The following TES variants were observed in gnomAD, a reference collection of about 807,000 sequenced individuals.
TES encodes testin.
In TES, 41 loss-of-function variants were observed where a neutral mutation model predicts 48.2. The ratio of observed to expected loss-of-function variants is 0.85; its 90% CI spans 0.66 to 1.10. The LOEUF is 1.10. Ranked by LOEUF, TES falls within the 50% of genes least tolerant of loss-of-function variation. The pLI, the probability that TES is intolerant of heterozygous loss-of-function variation, is 0.00. For missense variants in TES, 463 were observed against 515.1 expected (o/e 0.90, Z 0.98); for synonymous variants, 162 against 174.9 (o/e 0.93, Z 0.58).
At chr7:116,240,448 G>C (rs891269077) in intron 2 of TES, among the ~76,000 whole-genome samples, 1 of 151,738 alleles carries the variant, frequency 6.6e-6, no homozygotes, top group African/African-American at 2.4e-5. Context: ...TCCCAGGCTC[G>C]CTCTTTCTCT....
At chr7:116,238,612 T>TATTATTATTATTATG (rs1799804668) in intron 2 of TES, among the ~76,000 whole-genome samples, 1 of 148,530 alleles carries the variant, frequency 6.7e-6, no homozygotes, top group South Asian at 2.1e-4. Flanking sequence ...TTATTATTAT[T>TATTATTATTATTATG]ATTTTTGAGA....
In TES at chr7:116,255,989, T is replaced by A. The variant is rs144117095; in HGVS notation, c.1078-1305T>A. Among the ~76,000 whole-genome samples, 370 of 152,314 alleles carry A rather than the reference T, an allele frequency of 2.4e-3. 1 individual carries two copies. The highest frequency in any genetic ancestry group is 8.0e-3 in the African/African-American group (331 of 41,576). On this transcript the variant is annotated intron_variant, in intron 6 of 6. Coordinates refer to ENST00000358204, the MANE Select transcript of TES (RefSeq NM_015641.4). ...CTATAAAAATATATACAAAAAGCAG[T>A]TGCTTGCATGGTGCAGCTGCACATT...
intron 1 of TES, among the ~76,000 whole-genome samples, chr7:116,215,590 T>G (rs565086939): frequency 6.6e-6 from 1 of 152,314 alleles, no homozygotes; most frequent in South Asian, 2.1e-4. Flanking sequence ...TCTTCTAAGA[T>G]TCTCCCAACT....
chr7:116,249,366 C>A, intron 3 of TES, 94 bp downstream of exon 3: 1 of 1,401,880 alleles, frequency 7.1e-7, no homozygotes, highest in Non-Finnish European at 9.9e-7. Flanking sequence ...TTCACACATC[C>A]CAGATCTGTT....
intron 2 of TES, among the ~76,000 whole-genome samples, chr7:116,237,776 C>G (rs946667811): frequency 5.9e-5 from 9 of 152,150 alleles, no homozygotes; most frequent in Non-Finnish European, 1.2e-4. Context: ...GGTGAGGTCT[C>G]TCTTCCTGGC....
rs1195390969 is a variant in TES at position 116,250,425 on chromosome 7, G to C, written c.631G>C (p.Gly211Arg). 6.2e-7 allele frequency: 1 copy of C among 1,608,842 alleles called. No homozygotes were observed. The highest frequency in any genetic ancestry group is 1.1e-5 in the South Asian group (1 of 89,888). ...QGPKQMNIPG[G>R]DRSTPAAVGA... ...CCCCAAACAAATGAACATTCCTGGA[G>C]GGGATAGAAGCACCCCAGCAGCAGT... The change falls in exon 4 of 7, where the codon GGG becomes CGG. Residue 211 changes from glycine to arginine, a missense_variant. Gly to Arg is a moderately radical substitution (Grantham distance 125, BLOSUM62 -2). Transcript: ENST00000358204.
intron 3 of TES, chr7:116,249,886 A>C: frequency 3.4e-6 from 1 of 291,926 alleles, no homozygotes; most frequent in East Asian, 5.7e-5. Flanking sequence ...TCAATTGTAC[A>C]TTTGTTTATT....
chr7:116,212,926 CCT>C (rs1349141707), intron 1 of TES, among the ~76,000 whole-genome samples: 1 of 152,042 alleles, frequency 6.6e-6, no homozygotes, highest in Non-Finnish European at 1.5e-5. Flanking sequence ...ATAACAAATC[CCT>C]GTTTCACTAC....
chr7:116,253,855 G>C (rs1488231670), intron 6 of TES, among the ~76,000 whole-genome samples: 5 of 151,734 alleles, frequency 3.3e-5, no homozygotes, highest in African/African-American at 4.8e-5. Context: ...TGTGTGGGTG[G>C]GTGTGTGGGG....
chr7:116,229,028 ATAT>A (rs1799662729), intron 1 of TES, among the ~76,000 whole-genome samples: 1 of 118,602 alleles, frequency 8.4e-6, no homozygotes, highest in African/African-American at 3.2e-5. Flanking sequence ...ATATATATAT[ATAT>A]ATAATCATTT....
intron 1 of TES, among the ~76,000 whole-genome samples, chr7:116,212,919 A>G (rs1319137065): frequency 6.6e-6 from 1 of 152,210 alleles, no homozygotes; most frequent in Admixed American, 6.5e-5. Context: ...CCATGATATA[A>G]CAAATCCCTG....
At chr7:116,228,998 CTATATATATA>C (rs58514364) in intron 1 of TES, among the ~76,000 whole-genome samples, 16,386 of 110,072 alleles carry the variant, frequency 0.15, 1,442 homozygotes, top group Middle Eastern at 0.2. Context: ...GTATCTATAA[CTATATATATA>C]TATATATATA....
chr7:116,240,223 G>T (rs3807975), intron 2 of TES, among the ~76,000 whole-genome samples: 2 of 151,812 alleles, frequency 1.3e-5, no homozygotes, highest in African/African-American at 2.4e-5. Flanking sequence ...TGCCATGGCC[G>T]TGCTTTTAAA....
chr7:116,213,916 T>A lies in TES; in HGVS notation c.27+3182T>A, dbSNP rs186568668. ...GTCTCATTTTGCGGTGAATGGTAAA[T>A]CATGGCCAACAGCCAGCTGTTTTCC... On this transcript the variant is annotated intron_variant, in intron 1 of 6. Coordinates refer to ENST00000358204, the MANE Select transcript of TES (RefSeq NM_015641.4). 9.4e-4 allele frequency among the ~76,000 whole-genome samples: 143 copies of A among 152,272 alleles called. 2 individuals carry two copies. The East Asian group carries it at 0.021, about 22-fold the overall frequency.
chr7:116,225,024 A>G (rs575716381), intron 1 of TES, among the ~76,000 whole-genome samples: 1 of 152,006 alleles, frequency 6.6e-6, no homozygotes, highest in African/African-American at 2.4e-5. Flanking sequence ...GGATGATAAT[A>G]CTTTTCCAAT....
intron 1 of TES, among the ~76,000 whole-genome samples, chr7:116,213,015 A>G (rs1338994371): frequency 2.0e-5 from 3 of 152,230 alleles, no homozygotes; most frequent in East Asian, 1.9e-4. Flanking sequence ...GATGTCCCGT[A>G]TGACTCCAAT....
At chr7:116,247,955 G>A (rs1405004062) in intron 2 of TES, among the ~76,000 whole-genome samples, 11 of 151,910 alleles carry the variant, frequency 7.2e-5, no homozygotes, top group African/African-American at 1.7e-4. Context: ...CTTTTCAAAC[G>A]TTTCTCCCTC....
chr7:116,234,817 A>ATAAC lies in TES; in HGVS notation c.113+201_113+204dup, dbSNP rs1451527961. ...GTTTGACTTAGTGAATTGGACCATAATAACTATTTAGAGTTGTTGGATTTG... is the reference window on the plus strand; with the variant it reads ...GTTTGACTTAGTGAATTGGACCATAATAACTAACTATTTAGAGTTGTTGGATTTG... On this transcript the variant is annotated intron_variant, in intron 2 of 6. Transcript: ENST00000358204. Among the ~76,000 whole-genome samples, 5 of 152,344 alleles carry ATAAC rather than the reference A, an allele frequency of 3.3e-5. No individual in the cohort carries two copies. The South Asian group carries it at 1.0e-3, about 32-fold the overall frequency.
intron 1 of TES, among the ~76,000 whole-genome samples, chr7:116,225,457 C>T (rs1378781535): frequency 1.3e-5 from 2 of 152,132 alleles, no homozygotes; most frequent in Non-Finnish European, 1.5e-5. Flanking sequence ...GAAAACTTGA[C>T]GTACTACCTC....
Sources: allele counts gnomAD v4.1 joint callset (sites outside exome capture counted in the v4.1 genomes callset), GRCh38; gene constraint gnomAD v4.1.1; transcripts MANE v1.5; gene names NCBI Gene and HGNC (gene_info 2026-07-23, HGNC 2026-07-21).